RSPO2: variants seen among roughly 807,000 people sequenced by gnomAD.
The protein encoded by RSPO2 is R-spondin 2.
RSPO2 carries 14 observed loss-of-function variants against 30.9 expected under a neutral mutation model. That is an observed-to-expected ratio of 0.45 (90% CI 0.30 to 0.71). RSPO2 has a LOEUF of 0.71. Ranked by LOEUF, RSPO2 falls within the 30% of genes least tolerant of loss-of-function variation. The pLI is 0.08. For missense variants in RSPO2, 264 were observed against 301.9 expected (o/e 0.87, Z 0.93); for synonymous variants, 107 against 96.4 (o/e 1.11, Z -0.64).
intron 2 of RSPO2, among the ~76,000 whole-genome samples, chr8:107,990,587 C>T (rs1178282168): frequency 6.6e-6 from 1 of 152,174 alleles, no homozygotes; most frequent in Non-Finnish European, 1.5e-5. Context: ...CTTCCATGCT[C>T]ATGGATAGAA....
intron 2 of RSPO2, among the ~76,000 whole-genome samples, chr8:108,059,509 C>T (rs1310787072): frequency 5.9e-5 from 9 of 151,448 alleles, no homozygotes; most frequent in South Asian, 2.1e-4. Context: ...TGGGTATATA[C>T]GCAAAGGACT....
At position 107,900,911 on chromosome 8, in the gene RSPO2, A is replaced by C; in HGVS notation, c.*164T>G. On this transcript the variant is annotated 3_prime_UTR_variant, in exon 6 of 6. Transcript: ENST00000276659. ...TCTCCAGATTCAAATCAAAGCATAA[A>C]TAACACAGGGGCCATGCTGGTGGTG... is the stretch of plus-strand genomic sequence containing the variant. 1 of 689,198 alleles carries C rather than the reference A, an allele frequency of 1.5e-6. No homozygotes were observed. Among genetic ancestry groups the C allele is most frequent in the Non-Finnish European group, 2.4e-6 (1 of 416,908 alleles). The allele number at this position is 689,198 out of a possible 1,614,324, so 42.7% of individuals were successfully genotyped here.
intron 2 of RSPO2, among the ~76,000 whole-genome samples, chr8:108,049,932 A>T (rs775096482): frequency 3.9e-5 from 6 of 152,178 alleles, no homozygotes; most frequent in Non-Finnish European, 7.3e-5. Context: ...ATAGAGTTAC[A>T]TATATCTTAG....
At chr8:107,955,593 A>G (rs1813401680) in intron 5 of RSPO2, among the ~76,000 whole-genome samples, 1 of 152,122 alleles carries the variant, frequency 6.6e-6, no homozygotes, top group Non-Finnish European at 1.5e-5. Context: ...GCAAATAAGC[A>G]TATAACAGTT....
At chr8:107,906,046 G>A (rs1479680052) in intron 5 of RSPO2, among the ~76,000 whole-genome samples, 1 of 152,070 alleles carries the variant, frequency 6.6e-6, no homozygotes, top group African/African-American at 2.4e-5. Context: ...TCTAACACTT[G>A]TAAGAATGTC....
At chr8:107,975,870 A>T (rs1271283669) in intron 3 of RSPO2, among the ~76,000 whole-genome samples, 3 of 152,248 alleles carry the variant, frequency 2.0e-5, no homozygotes, top group Non-Finnish European at 2.9e-5. Flanking sequence ...TTCAGGAGAA[A>T]GCATAAAAGA....
In RSPO2 at chr8:108,033,445, T is replaced by A. The variant is rs537083772; in HGVS notation, c.95-44201A>T. On this transcript the variant is annotated intron_variant, in intron 2 of 5. Transcript: ENST00000276659. ...CCCTCTAAGCCACTGATCTTCTCCA[T>A]AACCTGTGTTCATCCCTCCGTGTAA... Among the ~76,000 whole-genome samples the A allele has an allele frequency of 8.0e-4, 122 of 152,314 alleles. 1 individual carries two copies. The highest frequency in any genetic ancestry group is 3.4e-3 in the Middle Eastern group (1 of 292).
intron 5 of RSPO2, among the ~76,000 whole-genome samples, chr8:107,927,856 C>T (rs982258729): frequency 1.3e-5 from 2 of 151,572 alleles, no homozygotes; most frequent in Non-Finnish European, 3.0e-5. Context: ...GATCATTAAT[C>T]CTATGTTCAA....
chr8:107,928,924 A>G (rs1329225968), intron 5 of RSPO2, among the ~76,000 whole-genome samples: 1 of 152,210 alleles, frequency 6.6e-6, no homozygotes, highest in Non-Finnish European at 1.5e-5. Flanking sequence ...ACAGTGACAG[A>G]GAATGTCAAT....
At chr8:108,003,269 GTGTGTGTGTATATATATA>G (rs1218018902) in intron 2 of RSPO2, among the ~76,000 whole-genome samples, 3 of 87,028 alleles carry the variant, frequency 3.4e-5, no homozygotes, top group African/African-American at 1.6e-4. Context: ...GTGTGTGTGT[GTGTGTGTGTATATATATA>G]TATATATATA....
At chr8:107,961,055 T>A (rs1209991070) in intron 3 of RSPO2, among the ~76,000 whole-genome samples, 3 of 152,092 alleles carry the variant, frequency 2.0e-5, no homozygotes, top group Non-Finnish European at 1.5e-5. Context: ...CCAGGCACCA[T>A]GAGAACTTTT....
chr8:108,012,051 G>C (rs1334964462), intron 2 of RSPO2, among the ~76,000 whole-genome samples: 3 of 152,144 alleles, frequency 2.0e-5, no homozygotes, highest in Admixed American at 2.0e-4. Context: ...TACAGAATAG[G>C]TGGAAAGAAA....
At chr8:108,070,698 G>A (rs1356500351) in intron 2 of RSPO2, among the ~76,000 whole-genome samples, 1 of 152,086 alleles carries the variant, frequency 6.6e-6, no homozygotes. Context: ...GATGGCTGTG[G>A]GGTGGCTCTT....
intron 5 of RSPO2, among the ~76,000 whole-genome samples, chr8:107,906,270 A>T (rs1327014841): frequency 6.6e-6 from 1 of 151,926 alleles, no homozygotes; most frequent in Non-Finnish European, 1.5e-5. Flanking sequence ...AAATGTCCTG[A>T]CTACACTTTT....
intron 5 of RSPO2, among the ~76,000 whole-genome samples, chr8:107,902,664 A>G (rs910571452): frequency 6.6e-6 from 1 of 152,072 alleles, no homozygotes; most frequent in African/African-American, 2.4e-5. Flanking sequence ...GATCTGTTTT[A>G]AGGATGGAAA....
At chr8:108,077,473 C>T (rs1273857426) in intron 2 of RSPO2, among the ~76,000 whole-genome samples, 1 of 152,094 alleles carries the variant, frequency 6.6e-6, no homozygotes, top group Non-Finnish European at 1.5e-5. Flanking sequence ...CAATCTTATT[C>T]TCATTCTCTC....
At chr8:107,932,384 A>G (rs1030729753) in intron 5 of RSPO2, among the ~76,000 whole-genome samples, 1 of 152,190 alleles carries the variant, frequency 6.6e-6, no homozygotes, top group African/African-American at 2.4e-5. Context: ...ACCTTCTAAA[A>G]TAGGGCATAG....
intron 3 of RSPO2, 77 bp downstream of exon 3, chr8:107,988,979 C>A: frequency 1.5e-6 from 2 of 1,312,490 alleles, no homozygotes; most frequent in Non-Finnish European, 2.1e-6. Context: ...TTAAAAAAAT[C>A]ATTCAAAATC....
At chr8:107,901,319 A>G in intron 5 of RSPO2, 129 bp from the exon 6 acceptor site, 1 of 1,000,972 alleles carries the variant, frequency 1.0e-6, no homozygotes, top group Non-Finnish European at 1.4e-6. Flanking sequence ...AGCCTCAAAG[A>G]GAAAATTGTT....
Sources: gnomAD v4.1 joint callset for allele counts (sites outside exome capture counted in the v4.1 genomes callset) on GRCh38, gnomAD v4.1.1 for gene constraint, MANE v1.5 for transcripts, NCBI Gene and HGNC (gene_info 2026-07-23, HGNC 2026-07-21) for gene names.